TNFRSF13B: variants seen among roughly 807,000 people sequenced by gnomAD.
The protein encoded by TNFRSF13B is TNF receptor superfamily member 13B.
In TNFRSF13B, 34 loss-of-function variants were observed where a neutral mutation model predicts 24.0. The ratio of observed to expected loss-of-function variants is 1.41; its 90% CI spans 1.08 to 1.88. The LOEUF is 1.88. Ranked by LOEUF, TNFRSF13B falls within the 40% of genes most tolerant of loss-of-function variation. The pLI, the probability that TNFRSF13B is intolerant of heterozygous loss-of-function variation, is 0.00. For synonymous variants in TNFRSF13B, 173 were observed against 150.3 expected (o/e 1.15, Z -1.10); for missense variants, 415 against 380.8 (o/e 1.09, Z -0.75).
chr17:16,958,929 AT>A (rs1597665562), intron 1 of TNFRSF13B, among the ~76,000 whole-genome samples: 1 of 152,150 alleles, frequency 6.6e-6, no homozygotes, highest in East Asian at 1.9e-4. Context: ...AAATAAGAAA[AT>A]AGAGGACATC....
Position 16,939,942 on chromosome 17 carries a change from C to T in TNFRSF13B, c.632-145G>A, listed in dbSNP as rs147593226. 660 of 1,211,700 alleles carry T rather than the reference C, an allele frequency of 5.4e-4. 5 individuals carry two copies. The African/African-American group carries it at 8.7e-3, about 16-fold the overall frequency. 75.1% of individuals were successfully genotyped at this position (1,211,700 alleles called of 1,614,324 possible). A position where few individuals can be genotyped will look rare whatever the true frequency, so the allele number is the denominator to read the frequency against. ...ACGCCCCCAGACAGGTGTCAGTGTC[C>T]GCCAGTTGCTGACCAGAACCTGTGC... On this transcript the variant is annotated intron_variant, in intron 4 of 4. Transcript: ENST00000261652.
intron 1 of TNFRSF13B, 129 bp downstream of exon 1, chr17:16,971,886 G>T: frequency 2.2e-6 from 2 of 908,728 alleles, no homozygotes; most frequent in Non-Finnish European, 3.6e-6. Flanking sequence ...TGGGGAGGCT[G>T]GGACTGCCCC....
intron 3 of TNFRSF13B, among the ~76,000 whole-genome samples, chr17:16,943,522 A>T (rs531191521): frequency 8.5e-5 from 13 of 152,144 alleles, no homozygotes; most frequent in African/African-American, 2.9e-4. Flanking sequence ...TATTATTGCC[A>T]GAAGTAGCCT....
intron 4 of TNFRSF13B, 69 bp from the exon 5 acceptor site, chr17:16,939,866 G>C (rs991406681): frequency 6.6e-7 from 1 of 1,509,842 alleles, no homozygotes. Context: ...GACGGTGTGG[G>C]CAGCCGCACT....
intron 3 of TNFRSF13B, chr17:16,941,245 G>A (rs2087508120): frequency 2.0e-6 from 2 of 987,824 alleles, no homozygotes; most frequent in Non-Finnish European, 2.4e-6. Flanking sequence ...ACGACACAGA[G>A]GGCCCACTGT....
At chr17:16,948,591 TCCTGGGA>T in intron 3 of TNFRSF13B, 140 bp downstream of exon 3, 3 of 1,167,942 alleles carry the variant, frequency 2.6e-6, no homozygotes, top group East Asian at 2.4e-5. Flanking sequence ...GTTTTTTTTA[TCCTGGGA>T]TGATCTCCCT....
rs201471491 is a variant in TNFRSF13B, at chr17:16,948,703, C to G, written c.445+35G>C. 5 of 1,612,780 alleles carry G rather than the reference C, an allele frequency of 3.1e-6. No homozygotes were observed. The East Asian group carries it at 6.7e-5, about 22-fold the overall frequency. ...AGGCCTCCCACGCTTTCTCACCCTGCGTGACACCATGCAGGTTTGCCTTGG... is the reference window on the plus strand; with the variant it reads ...AGGCCTCCCACGCTTTCTCACCCTGGGTGACACCATGCAGGTTTGCCTTGG... On this transcript the variant is annotated intron_variant, in intron 3 of 4. Transcript: ENST00000261652.
rs561141258 is a variant in TNFRSF13B, at chr17:16,939,272, T to TCTCTCTGCCTCTCTCC, written c.*259_*274dup. The TCTCTCTGCCTCTCTCC allele has an allele frequency of 2.7e-3, 1,168 of 430,378 alleles. 15 individuals are homozygous for TCTCTCTGCCTCTCTCC. Among genetic ancestry groups the TCTCTCTGCCTCTCTCC allele is most frequent in the African/African-American group, 2.6e-3 (126 of 49,256 alleles). The allele number at this position is 430,378 out of a possible 1,614,324, so 26.7% of individuals were successfully genotyped here. A position where few individuals can be genotyped will look rare whatever the true frequency, so the allele number is the denominator to read the frequency against. The stretch of plus-strand genomic sequence containing the variant: ...CTCTCTGTCCCTCTCTCCCTCTCTG[T>TCTCTCTGCCTCTCTCC]CTCTCTGCCTCTCTCCCTCTCTGCC... On this transcript the variant is annotated 3_prime_UTR_variant, in exon 5 of 5. Coordinates refer to ENST00000261652, the MANE Select transcript of TNFRSF13B (RefSeq NM_012452.3).
At chr17:16,947,056 A>G (rs1412529099) in intron 3 of TNFRSF13B, among the ~76,000 whole-genome samples, 2 of 152,180 alleles carry the variant, frequency 1.3e-5, no homozygotes, top group African/African-American at 4.8e-5. Context: ...GCTGGTACCA[A>G]TTCTACTGCA....
intron 1 of TNFRSF13B, among the ~76,000 whole-genome samples, chr17:16,958,913 A>G (rs1275367942): frequency 6.6e-6 from 1 of 152,032 alleles, no homozygotes; most frequent in Non-Finnish European, 1.5e-5. Context: ...GAACTACCAG[A>G]CACATAAATA....
In TNFRSF13B at chr17:16,952,445, C is replaced by T. The variant is rs2087595314; in HGVS notation, c.199+1G>A. 1 of 1,614,076 alleles carries T rather than the reference C, an allele frequency of 6.2e-7. No individual in the cohort carries two copies. The highest frequency in any genetic ancestry group is 8.5e-7 in the Non-Finnish European group (1 of 1,179,922). On this transcript the variant is annotated splice_donor_variant, in intron 2 of 4. Transcript: ENST00000261652. LOFTEE classifies it high-confidence loss of function. ...CCCTCGGCTCAGGCCCCAGAACTCA[C>T]TGCAGAAGGCTGCACAGGTGCGCTG...
intron 3 of TNFRSF13B, among the ~76,000 whole-genome samples, chr17:16,945,188 G>A (rs1051922646): frequency 1.3e-5 from 2 of 152,176 alleles, no homozygotes; most frequent in South Asian, 2.1e-4. Flanking sequence ...TGGTAATGCC[G>A]ACCCCACTGG....
chr17:16,952,333 A>C, intron 2 of TNFRSF13B, 113 bp downstream of exon 2: 1 of 1,498,324 alleles, frequency 6.7e-7, no homozygotes, highest in Non-Finnish European at 9.1e-7. Context: ...CACACTGTAC[A>C]TCTCCTCCTG....
chr17:16,954,181 G>C (rs2087609649), intron 1 of TNFRSF13B, among the ~76,000 whole-genome samples: 1 of 152,192 alleles, frequency 6.6e-6, no homozygotes, highest in South Asian at 2.1e-4. Context: ...GATTTCTTGA[G>C]GCCAGGAGTT....
rs1389510365 is a variant in TNFRSF13B, at chr17:16,945,151, G to T, written c.445+3587C>A. Among the ~76,000 whole-genome samples, 3 of 152,262 alleles carry T rather than the reference G, an allele frequency of 2.0e-5. No homozygotes were observed. The East Asian group carries it at 5.8e-4, about 29-fold the overall frequency. On this transcript the variant is annotated intron_variant, in intron 3 of 4. Transcript: ENST00000261652. ...CACCAAAAGCCGCGCCATGGCACAA[G>T]TGTGGCAGCTGATGTAGGGTGAGGC...
At chr17:16,963,545 G>GTTTTT (rs1488206295) in intron 1 of TNFRSF13B, among the ~76,000 whole-genome samples, 7 of 151,806 alleles carry the variant, frequency 4.6e-5, no homozygotes, top group Middle Eastern at 3.4e-3. Context: ...TTTTGTTTTT[G>GTTTTT]TTTTTGTTTT....
chr17:16,958,567 A>G (rs1190766584), intron 1 of TNFRSF13B, among the ~76,000 whole-genome samples: 2 of 152,068 alleles, frequency 1.3e-5, no homozygotes, highest in South Asian at 4.1e-4. Flanking sequence ...ATATGATTTA[A>G]TAGGCAATGA....
intron 1 of TNFRSF13B, among the ~76,000 whole-genome samples, chr17:16,959,382 C>G (rs552156143): frequency 6.6e-6 from 1 of 151,862 alleles, no homozygotes; most frequent in South Asian, 2.1e-4. Flanking sequence ...GAATCATAAC[C>G]TGATCATAAC....
chr17:16,964,808 C>T (rs150132861), intron 1 of TNFRSF13B, among the ~76,000 whole-genome samples: 1 of 152,094 alleles, frequency 6.6e-6, no homozygotes, highest in African/African-American at 2.4e-5. Context: ...GTTCAGTGAC[C>T]CAGAGTGTGC....
Sources: allele counts gnomAD v4.1 joint callset (sites outside exome capture counted in the v4.1 genomes callset), GRCh38; gene constraint gnomAD v4.1.1; transcripts MANE v1.5; gene names NCBI Gene and HGNC (gene_info 2026-07-23, HGNC 2026-07-21).